INTU: variants seen among roughly 807,000 people sequenced by gnomAD.
INTU encodes inturned planar cell polarity protein.
INTU carries 68 observed loss-of-function variants against 100.5 expected under a neutral mutation model. That is an observed-to-expected ratio of 0.68 (90% CI 0.56 to 0.83). INTU has a LOEUF of 0.83. Among genes scored for constraint, INTU ranks in the 40% least tolerant of loss-of-function variants. INTU has a pLI of 0.00. For missense variants in INTU, 1,071 were observed against 1,114.7 expected (o/e 0.96, Z 0.56); for synonymous variants, 357 against 395.7 (o/e 0.90, Z 1.16).
chr4:127,677,935 C>T (rs529586548), intron 6 of INTU, among the ~76,000 whole-genome samples: 8 of 152,204 alleles, frequency 5.3e-5, no homozygotes, highest in African/African-American at 1.7e-4. Flanking sequence ...AGCCAAGGCT[C>T]GAGAACTACG....
In INTU at chr4:127,718,373, T is replaced by C. The variant is rs192999498; in HGVS notation, c.*1937T>C. The C allele has an allele frequency of 9.2e-5, 14 of 152,322 alleles. No homozygotes were observed. In the East Asian group the frequency reaches 2.7e-3, roughly 29 times the overall value. The allele number at this position is 152,322 out of a possible 1,614,324, so 9.4% of individuals were successfully genotyped here. Reference sequence around the variant, plus strand: ...GTTTTTGTACCAGTACCATGATGTTTTGGTTATTGTACCCTTACAGTACAG... The same window carrying C: ...GTTTTTGTACCAGTACCATGATGTTCTGGTTATTGTACCCTTACAGTACAG... On this transcript the variant is annotated 3_prime_UTR_variant, in exon 16 of 16. Coordinates refer to ENST00000335251, the MANE Select transcript of INTU (RefSeq NM_015693.4).
intron 8 of INTU, among the ~76,000 whole-genome samples, chr4:127,692,944 T>A (rs1730216462): frequency 6.6e-6 from 1 of 152,122 alleles, no homozygotes; most frequent in South Asian, 2.1e-4. Context: ...CATTGTTCTA[T>A]GTGCCTAATT....
intron 4 of INTU, 89 bp downstream of exon 4, chr4:127,663,673 A>G (rs1465834605): frequency 2.1e-6 from 2 of 951,052 alleles, no homozygotes; most frequent in African/African-American, 1.6e-5. Flanking sequence ...CCCAGTGAAT[A>G]GTGAGTATAT....
intron 3 of INTU, among the ~76,000 whole-genome samples, chr4:127,660,442 A>T (rs561139367): frequency 6.6e-6 from 1 of 152,180 alleles, no homozygotes; most frequent in Non-Finnish European, 1.5e-5. Context: ...AGCAGTGTAG[A>T]TGATGGGAGA....
At chr4:127,642,572 T>G (rs1445364660) in intron 1 of INTU, among the ~76,000 whole-genome samples, 1 of 152,186 alleles carries the variant, frequency 6.6e-6, no homozygotes, top group Non-Finnish European at 1.5e-5. Context: ...CAAATTATAC[T>G]CTTTCAGGCC....
At chr4:127,636,573 T>A (rs1727082005) in intron 1 of INTU, among the ~76,000 whole-genome samples, 1 of 150,516 alleles carries the variant, frequency 6.6e-6, no homozygotes, top group Admixed American at 6.6e-5. Flanking sequence ...GATCGCACCA[T>A]TGCATTGCAG....
At chr4:127,666,909 C>CT (rs1254155168) in intron 4 of INTU, among the ~76,000 whole-genome samples, 27 of 152,174 alleles carry the variant, frequency 1.8e-4, no homozygotes, top group African/African-American at 6.5e-4. Context: ...CCTTGTGTTG[C>CT]TTCATATATC....
At chr4:127,684,819 A>G (rs1223257624) in intron 7 of INTU, among the ~76,000 whole-genome samples, 1 of 149,826 alleles carries the variant, frequency 6.7e-6, no homozygotes, top group Non-Finnish European at 1.5e-5. Flanking sequence ...GGTCTCATAT[A>G]TGACTTTAGT....
intron 6 of INTU, among the ~76,000 whole-genome samples, chr4:127,681,780 A>G (rs1053350802): frequency 3.0e-4 from 45 of 152,214 alleles, no homozygotes; most frequent in Middle Eastern, 3.4e-3. Flanking sequence ...AAGAGCTTCT[A>G]CACAGCAAAA....
intron 8 of INTU, among the ~76,000 whole-genome samples, chr4:127,697,761 A>T (rs1199388276): frequency 1.3e-5 from 2 of 152,172 alleles, no homozygotes; most frequent in African/African-American, 4.8e-5. Flanking sequence ...TCATTGTATT[A>T]AAAAGTAGGA....
chr4:127,668,078 G>A (rs774363733), intron 4 of INTU, among the ~76,000 whole-genome samples: 1 of 151,908 alleles, frequency 6.6e-6, no homozygotes, highest in South Asian at 2.1e-4. Flanking sequence ...CATTAAACAG[G>A]GCAACTGGAA....
chr4:127,641,594 G>A (rs569577765), intron 1 of INTU, among the ~76,000 whole-genome samples: 3 of 152,074 alleles, frequency 2.0e-5, no homozygotes, highest in East Asian at 1.9e-4. Flanking sequence ...TGACTCTCCC[G>A]TATGGCTAAG....
chr4:127,698,245 A>C (rs1371500416), intron 8 of INTU, among the ~76,000 whole-genome samples: 1 of 152,062 alleles, frequency 6.6e-6, no homozygotes, highest in East Asian at 1.9e-4. Context: ...GGAGGATCAC[A>C]AGGTCAGGAG....
chr4:127,657,679 GGGATCTA>G (rs1728296464), intron 3 of INTU, among the ~76,000 whole-genome samples: 1 of 151,898 alleles, frequency 6.6e-6, no homozygotes, highest in Non-Finnish European at 1.5e-5. Context: ...ATGAAAGGAA[GGGATCTA>G]GGTTGTATGC....
intron 5 of INTU, among the ~76,000 whole-genome samples, chr4:127,669,399 A>C (rs1247014209): frequency 6.6e-6 from 1 of 151,816 alleles, no homozygotes; most frequent in African/African-American, 2.4e-5. Context: ...ATCTATTTGA[A>C]GTGTAGATTC....
At chr4:127,708,402 C>T (rs1730972139) in intron 12 of INTU, among the ~76,000 whole-genome samples, 169 bp from the exon 13 acceptor site, 1 of 152,064 alleles carries the variant, frequency 6.6e-6, no homozygotes, top group Admixed American at 6.5e-5. Context: ...CCCTGGGATC[C>T]CTGTCAGCCA....
chr4:127,646,957 T>G (rs1727621437), intron 2 of INTU, among the ~76,000 whole-genome samples: 1 of 152,230 alleles, frequency 6.6e-6, no homozygotes, highest in African/African-American at 2.4e-5. Context: ...AAATTTGGCT[T>G]AATTAAAAGG....
chr4:127,708,803 A>G, intron 13 of INTU, 135 bp downstream of exon 13: 1 of 525,872 alleles, frequency 1.9e-6, no homozygotes, highest in Non-Finnish European at 3.4e-6. Context: ...TATCTGTGGT[A>G]TTTCTTTAAT....
At chr4:127,689,239 C>A (rs1729993551) in intron 8 of INTU, among the ~76,000 whole-genome samples, 1 of 152,046 alleles carries the variant, frequency 6.6e-6, no homozygotes, top group Non-Finnish European at 1.5e-5. Context: ...CCGCCTCAGT[C>A]TCCTAGAGTG....
Sources: gnomAD v4.1 joint callset for allele counts (sites outside exome capture counted in the v4.1 genomes callset) on GRCh38, gnomAD v4.1.1 for gene constraint, MANE v1.5 for transcripts, NCBI Gene and HGNC (gene_info 2026-07-23, HGNC 2026-07-21) for gene names.